CYYR1: variants seen among roughly 807,000 people sequenced by gnomAD.
The protein encoded by CYYR1 is cysteine and tyrosine rich 1, also known as cysteine and tyrosine-rich protein 1.
A neutral mutation model predicts 15.2 loss-of-function variants in CYYR1; 14 were observed. The observed-to-expected ratio is 0.92, with a 90% CI of 0.61 to 1.44. The LOEUF (loss-of-function observed/expected upper bound fraction) is 1.44, where lower values mean the gene tolerates loss of function less well. CYYR1 is among the 40% of genes most tolerant of loss of function. The pLI is 0.00. For synonymous variants in CYYR1, 80 were observed against 77.4 expected (o/e 1.03, Z -0.18); for missense variants, 228 against 209.5 (o/e 1.09, Z -0.54).
intron 2 of CYYR1, among the ~76,000 whole-genome samples, chr21:26,565,491 T>C (rs964538676): frequency 1.3e-5 from 2 of 152,226 alleles, no homozygotes; most frequent in Non-Finnish European, 2.9e-5. Context: ...GAAATTCTTA[T>C]GTTCCCAATT....
chr21:26,478,138 A>G (rs1329482375), intron 3 of CYYR1: 2 of 1,549,398 alleles, frequency 1.3e-6, no homozygotes, highest in Non-Finnish European at 1.7e-6. Context: ...TTCATATTCT[A>G]GGAAGAGGAA....
chr21:26,566,284 T>C lies in CYYR1; in HGVS notation c.158A>G (p.Tyr53Cys), dbSNP rs1283437773. Reference sequence around the variant, plus strand: ...TACTCACGAGAGGATATTCCCAATATAAGCGTAGTAGGAGCAACAGTAGGG... The same window carrying C: ...TACTCACGAGAGGATATTCCCAATACAAGCGTAGTAGGAGCAACAGTAGGG... ...TTPYCCSYYA[Y>C]IGNILSGTAI... Residue 53 changes from tyrosine to cysteine, a missense_variant, in exon 2 of 4, where the codon TAT (tyrosine) becomes TGT (cysteine). By Grantham distance (194) the Tyr-to-Cys change is radical. Coordinates refer to ENST00000652641, the MANE Select transcript of CYYR1 (RefSeq NM_001320768.2). The C allele has an allele frequency of 1.2e-6, 2 of 1,613,540 alleles. No individual in the cohort carries two copies. The highest frequency in any genetic ancestry group is 2.2e-5 in the East Asian group (1 of 44,854).
At chr21:26,491,783 T>C (rs1314339410) in intron 2 of CYYR1, among the ~76,000 whole-genome samples, 1 of 152,132 alleles carries the variant, frequency 6.6e-6, no homozygotes. Flanking sequence ...TGATTGCTTT[T>C]GTCTACACAT....
At chr21:26,511,152 C>T (rs1490666086) in intron 2 of CYYR1, among the ~76,000 whole-genome samples, 1 of 152,168 alleles carries the variant, frequency 6.6e-6, no homozygotes, top group Non-Finnish European at 1.5e-5. Flanking sequence ...AAGTATTTCA[C>T]ATAGTAAACA....
At chr21:26,491,437 AG>A (rs2065326522) in intron 2 of CYYR1, among the ~76,000 whole-genome samples, 1 of 152,128 alleles carries the variant, frequency 6.6e-6, no homozygotes, top group Admixed American at 6.6e-5. Flanking sequence ...TTAAGTCCTG[AG>A]AGCATATAAG....
In CYYR1 at chr21:26,482,569, C is replaced by T. The variant is rs566571483; in HGVS notation, c.177-2140G>A. The T allele has an allele frequency of 2.1e-4, 202 of 946,436 alleles. 1 individual carries two copies. The South Asian group carries it at 6.6e-3, about 31-fold the overall frequency. 58.6% of individuals were successfully genotyped at this position (946,436 alleles called of 1,614,324 possible). A position where few individuals can be genotyped will look rare whatever the true frequency, so the allele number is the denominator to read the frequency against. On this transcript the variant is annotated intron_variant, in intron 2 of 3. Coordinates refer to ENST00000652641, the MANE Select transcript of CYYR1 (RefSeq NM_001320768.2). The stretch of plus-strand genomic sequence containing the variant: ...GTGAACTGCATTGTTTGTTGAAGCA[C>T]GTTCCTGAATGGCTTCTTAAAAATC...
chr21:26,480,085 G>T (rs1019711370), intron 3 of CYYR1, among the ~76,000 whole-genome samples, 187 bp downstream of exon 3: 2 of 151,848 alleles, frequency 1.3e-5, no homozygotes, highest in African/African-American at 4.9e-5. Flanking sequence ...CAAAAAAAAA[G>T]AATTGGGTTG....
chr21:26,564,933 A>AT (rs1980507028), intron 2 of CYYR1: 2 of 496,164 alleles, frequency 4.0e-6, no homozygotes, highest in Non-Finnish European at 5.5e-6. Context: ...ATCATTATAT[A>AT]TTTAAATTTG....
chr21:26,555,095 T>A (rs1170037770), intron 2 of CYYR1, among the ~76,000 whole-genome samples: 1 of 152,102 alleles, frequency 6.6e-6, no homozygotes, highest in African/African-American at 2.4e-5. Context: ...CAAGCCCGAT[T>A]TTTCTGTGGT....
At chr21:26,562,829 C>CACACAT (rs1555912082) in intron 2 of CYYR1, among the ~76,000 whole-genome samples, 1 of 150,718 alleles carries the variant, frequency 6.6e-6, no homozygotes, top group African/African-American at 2.4e-5. Flanking sequence ...CACACACACA[C>CACACAT]GGACAGACTT....
At chr21:26,515,714 A>G (rs1247885742) in intron 2 of CYYR1, among the ~76,000 whole-genome samples, 7 of 152,172 alleles carry the variant, frequency 4.6e-5, no homozygotes, top group Non-Finnish European at 4.4e-5. Flanking sequence ...TAAAAACTCC[A>G]ATAACTATAC....
intron 2 of CYYR1, among the ~76,000 whole-genome samples, chr21:26,545,567 C>CTTTTTTTTTTTTTTTTT (rs770885517): frequency 5.4e-5 from 4 of 73,748 alleles, no homozygotes; most frequent in African/African-American, 1.8e-4. Context: ...GATGCTTATT[C>CTTTTTTTTTTTTTTTTT]TTTTTTTTTT....
chr21:26,534,677 C>G (rs2830271), intron 2 of CYYR1, among the ~76,000 whole-genome samples: 51,268 of 151,906 alleles, frequency 0.34, 9,667 homozygotes, highest in African/African-American at 0.51. Context: ...TCTGCATTTT[C>G]GTAACTGTTC....
At chr21:26,500,290 A>G (rs528507057) in intron 2 of CYYR1, among the ~76,000 whole-genome samples, 2 of 152,296 alleles carry the variant, frequency 1.3e-5, no homozygotes, top group East Asian at 3.9e-4. Flanking sequence ...TGGCACAAAC[A>G]TTCAGTCCAT....
intron 3 of CYYR1, among the ~76,000 whole-genome samples, chr21:26,473,207 A>G (rs2123369987): frequency 6.6e-6 from 1 of 152,220 alleles, no homozygotes; most frequent in African/African-American, 2.4e-5. Flanking sequence ...ATATTTAAAG[A>G]CAATTGCTCA....
chr21:26,542,298 T>C (rs866546315), intron 2 of CYYR1, among the ~76,000 whole-genome samples: 1,555 of 150,502 alleles, frequency 0.01, 23 homozygotes, highest in African/African-American at 0.034. Flanking sequence ...TGCGTGTGTG[T>C]GTGTGTGTGT....
chr21:26,547,170 A>G (rs1351631763), intron 2 of CYYR1, among the ~76,000 whole-genome samples: 1 of 152,132 alleles, frequency 6.6e-6, no homozygotes, highest in East Asian at 1.9e-4. Context: ...GTGTTTTGAC[A>G]TACTCAACTG....
intron 2 of CYYR1, among the ~76,000 whole-genome samples, chr21:26,490,379 A>G (rs1317717735): frequency 6.6e-6 from 1 of 152,090 alleles, no homozygotes; most frequent in Non-Finnish European, 1.5e-5. Context: ...ACAAAGTTGG[A>G]TGATACATAA....
At chr21:26,567,443 A>G (rs1473927846) in intron 1 of CYYR1, among the ~76,000 whole-genome samples, 1 of 152,240 alleles carries the variant, frequency 6.6e-6, no homozygotes, top group East Asian at 1.9e-4. Context: ...GAAAAATTAT[A>G]CTAAAAATGT....
Sources: gnomAD v4.1 joint callset for allele counts (sites outside exome capture counted in the v4.1 genomes callset) on GRCh38, gnomAD v4.1.1 for gene constraint, MANE v1.5 for transcripts, NCBI Gene and HGNC (gene_info 2026-07-23, HGNC 2026-07-21) for gene names.